Variants in AP1G1 observed in about 807,000 individuals in gnomAD.
The protein encoded by AP1G1 is adaptor related protein complex 1 subunit gamma 1, also known as AP-1 complex subunit gamma-1.
AP1G1 carries 7 observed loss-of-function variants against 108.3 expected under a neutral mutation model. That is an observed-to-expected ratio of 0.06 (90% CI 0.04 to 0.12). The LOEUF is 0.12. AP1G1 is among the 10% of genes least tolerant of loss of function. The pLI is 1.00. For synonymous variants in AP1G1, 379 were observed against 353.5 expected, an observed-to-expected ratio of 1.07 and a Z score of -0.81; for missense variants, 756 against 1,010.7, an observed-to-expected ratio of 0.75 and a Z score of 3.42.
intron 4 of AP1G1, 117 bp from the exon 5 acceptor site, chr16:71,771,369 TAAAG>T (rs748101951): frequency 1.5e-4 from 90 of 604,150 alleles, no homozygotes; most frequent in Middle Eastern, 9.2e-4. Context: ...ACTAGAAAAA[TAAAG>T]AAGGAAGAGG....
At chr16:71,758,747 C>G in intron 11 of AP1G1, 61 bp downstream of exon 11, 1 of 968,090 alleles carries the variant, frequency 1.0e-6, no homozygotes, top group Non-Finnish European at 1.6e-6. Flanking sequence ...ATAGAGCTAT[C>G]AATAATCTGT....
chr16:71,772,700 A>G (rs2031623241), intron 4 of AP1G1, among the ~76,000 whole-genome samples: 1 of 152,204 alleles, frequency 6.6e-6, no homozygotes. Flanking sequence ...TAAATTCCAT[A>G]CACTTCATTT....
At chr16:71,798,386 A>C (rs938151388) in intron 1 of AP1G1, among the ~76,000 whole-genome samples, 1 of 152,082 alleles carries the variant, frequency 6.6e-6, no homozygotes, top group Non-Finnish European at 1.5e-5. Flanking sequence ...TTTTTAGTAG[A>C]GACAAGGTTT....
chr16:71,784,839 G>GT (rs1258561585), intron 2 of AP1G1, among the ~76,000 whole-genome samples: 1 of 151,294 alleles, frequency 6.6e-6, no homozygotes, highest in Non-Finnish European at 1.5e-5. Flanking sequence ...GATTACAGGC[G>GT]TAAGTCACCG....
At chr16:71,752,679 G>A (rs2030567001) in intron 13 of AP1G1, among the ~76,000 whole-genome samples, 1 of 151,982 alleles carries the variant, frequency 6.6e-6, no homozygotes, top group South Asian at 2.1e-4. Context: ...GAATCAAAGG[G>A]TACAATTTAA....
chr16:71,772,422 C>T (rs574783076), intron 4 of AP1G1, among the ~76,000 whole-genome samples: 6 of 152,324 alleles, frequency 3.9e-5, no homozygotes, highest in African/African-American at 1.2e-4. Flanking sequence ...AGCCACCATG[C>T]CCAGCCTATC....
rs751534655 is a variant in AP1G1, at chr16:71,729,641, C to T, written c.*3417G>A. Reference sequence around the variant, plus strand: ...AGTTCTACAAGCAGCCCCACTCTCCCGAGCCAAAGCTGGTCAAAAGTGTTT... The same window carrying T: ...AGTTCTACAAGCAGCCCCACTCTCCTGAGCCAAAGCTGGTCAAAAGTGTTT... On this transcript the variant is annotated 3_prime_UTR_variant, in exon 23 of 23. Transcript: ENST00000299980. The T allele has an allele frequency of 9.2e-5, 14 of 152,530 alleles. No homozygotes were observed. Among genetic ancestry groups the T allele is most frequent in the African/African-American group, 3.1e-4 (13 of 41,404 alleles). The allele number at this position is 152,530 out of a possible 1,614,324, so 9.4% of individuals were successfully genotyped here.
At chr16:71,735,775 T>G (rs949750099) in intron 21 of AP1G1, among the ~76,000 whole-genome samples, 3 of 151,898 alleles carry the variant, frequency 2.0e-5, no homozygotes, top group African/African-American at 7.3e-5. Context: ...TCTAAAATAT[T>G]TGAGAGAGAG....
Position 71,761,509 on chromosome 16 carries a change from T to C in AP1G1, c.974+3A>G. On this transcript the variant is annotated splice_donor_region_variant and intron_variant, in intron 10 of 22. Coordinates refer to ENST00000299980, the MANE Select transcript of AP1G1 (RefSeq NM_001128.6). ...GATAAAAGACATATTTCAGTTAACT[T>C]ACCTAATATTCTTGTCATTGTTCAA... 2 of 1,572,228 alleles carry C rather than the reference T, an allele frequency of 1.3e-6. No individual in the cohort carries two copies. Among genetic ancestry groups the C allele is most frequent in the South Asian group, 2.2e-5 (2 of 89,766 alleles).
At chr16:71,760,735 G>T (rs2031045591) in intron 10 of AP1G1, among the ~76,000 whole-genome samples, 1 of 151,596 alleles carries the variant, frequency 6.6e-6, no homozygotes, top group Non-Finnish European at 1.5e-5. Flanking sequence ...TTTCTGTAGA[G>T]ATGGAGTTTT....
At chr16:71,778,359 T>C (rs962575200) in intron 2 of AP1G1, among the ~76,000 whole-genome samples, 1 of 152,214 alleles carries the variant, frequency 6.6e-6, no homozygotes, top group African/African-American at 2.4e-5. Flanking sequence ...CCAGCCATAG[T>C]GCTGAGAACA....
In AP1G1 at chr16:71,733,169, G is replaced by T. The variant is rs780767852; in HGVS notation, c.2368-10C>A. On this transcript the variant is annotated splice_polypyrimidine_tract_variant and intron_variant, in intron 22 of 22. Coordinates refer to ENST00000299980, the MANE Select transcript of AP1G1 (RefSeq NM_001128.6). The stretch of plus-strand genomic sequence containing the variant: ...GCATTCGCAGCTGTTGCTATAAGAG[G>T]AAAAGAGAAGTGCAAATTATATACT... The T allele has an allele frequency of 6.2e-7, 1 of 1,602,606 alleles. No individual in the cohort carries two copies. Among genetic ancestry groups the T allele is most frequent in the Non-Finnish European group, 8.5e-7 (1 of 1,170,012 alleles).
At chr16:71,781,078 A>T (rs1431795650) in intron 2 of AP1G1, among the ~76,000 whole-genome samples, 1 of 152,142 alleles carries the variant, frequency 6.6e-6, no homozygotes, top group East Asian at 1.9e-4. Flanking sequence ...TTGGCCTCCC[A>T]AAGTGCTGGG....
chr16:71,745,597 C>G lies in AP1G1; in HGVS notation c.1748G>C (p.Arg583Thr). Residue 583 changes from arginine (R) to threonine (T), a missense_variant, in exon 18 of 23, where the codon AGA becomes ACA. By Grantham distance (71) the Arg-to-Thr change is moderately conservative. Transcript: ENST00000299980. ...GGTCACTTTTTCCATGACAGGCATT[C>G]TCTCAAGTAGGGCAGACCTAGAAGA... ...YDHMRSALLE[R>T]MPVMEKVTTN... 1 of 1,614,148 alleles carries G rather than the reference C, an allele frequency of 6.2e-7. No individual in the cohort carries two copies. Among genetic ancestry groups the G allele is most frequent in the Non-Finnish European group, 8.5e-7 (1 of 1,180,022 alleles).
At chr16:71,736,558 ATTTATTTAT>A (rs2045546960) in intron 21 of AP1G1, among the ~76,000 whole-genome samples, 1 of 52,316 alleles carries the variant, frequency 1.9e-5, no homozygotes, top group African/African-American at 7.0e-5. Flanking sequence ...TTTATTATTT[ATTTATTTAT>A]TTATTTATTT....
In AP1G1 at chr16:71,793,902, G is replaced by A. The variant is rs539762182; in HGVS notation, c.-3-4420C>T. Among the ~76,000 whole-genome samples the A allele has an allele frequency of 1.8e-4, 27 of 152,098 alleles. No individual in the cohort carries two copies. The South Asian group carries it at 4.6e-3, about 26-fold the overall frequency. On this transcript the variant is annotated intron_variant, in intron 1 of 22. Transcript: ENST00000299980. Reference sequence around the variant, plus strand: ...CTGGCTGATTTTTGTATTTTTTTTAGAGATGAGGTTTCATCATGTTGCCCA... The same window carrying A: ...CTGGCTGATTTTTGTATTTTTTTTAAAGATGAGGTTTCATCATGTTGCCCA...
chr16:71,807,684 G>A, intron 1 of AP1G1: 1 of 625,082 alleles, frequency 1.6e-6, no homozygotes, highest in Non-Finnish European at 2.5e-6. Context: ...TTTAGAATCA[G>A]TCAGCAAAGA....
intron 19 of AP1G1, 38 bp from the exon 20 acceptor site, chr16:71,739,379 A>G (rs763995360): frequency 6.9e-7 from 1 of 1,439,184 alleles, no homozygotes; most frequent in Non-Finnish European, 9.4e-7. Flanking sequence ...AACCTTAGGC[A>G]GCATGACAAA....
chr16:71,768,861 C>T (rs1320955718), intron 6 of AP1G1, among the ~76,000 whole-genome samples: 2 of 131,968 alleles, frequency 1.5e-5, no homozygotes, highest in East Asian at 2.3e-4. Context: ...GAACTTGCAG[C>T]GAGCCAAGAT....
Sources: allele counts gnomAD v4.1 joint callset (sites outside exome capture counted in the v4.1 genomes callset), GRCh38; gene constraint gnomAD v4.1.1; transcripts MANE v1.5; gene names NCBI Gene and HGNC (gene_info 2026-07-23, HGNC 2026-07-21).